KCNQ1OT1: variants seen among roughly 807,000 people sequenced by gnomAD.
KCNQ1OT1 encodes KCNQ1 antisense RNA 2 (non-protein coding).
rs1849081014 is a variant in KCNQ1OT1, at chr11:2,617,157, A to C, written n.82838T>G. ...TATACTAACTATTCTCATGTTCTAC[A>C]TGAGATCTCTAGACTTGTTCATCCT... is the stretch of plus-strand genomic sequence containing the variant. On this transcript the variant is annotated non_coding_transcript_exon_variant, in exon 1 of 1. Coordinates refer to ENST00000597346, the Ensembl canonical transcript of KCNQ1OT1. The surrounding 1 kb of genome is among the most constrained non-coding windows in gnomAD (Gnocchi z 4.6). The C allele has an allele frequency of 1.3e-5, 5 of 398,306 alleles. No homozygotes were observed. The East Asian group carries it at 1.8e-4, about 14-fold the overall frequency. The allele number at this position is 398,306 out of a possible 1,614,324, so 24.7% of individuals were successfully genotyped here.
chr11:2,661,979 T>G lies in KCNQ1OT1; in HGVS notation n.38016A>C. ...TCCTCAGTAAGGAAGAGCCCAACACTGCTGGAAGTGAGCATGCCCCATTTC... is the reference window on the plus strand; with the variant it reads ...TCCTCAGTAAGGAAGAGCCCAACACGGCTGGAAGTGAGCATGCCCCATTTC... On this transcript the variant is annotated non_coding_transcript_exon_variant, in exon 1 of 1. Transcript: ENST00000597346. The surrounding 1 kb of genome is among the most constrained non-coding windows in gnomAD (Gnocchi z 5.9). 1 of 1,614,204 alleles carries G rather than the reference T, an allele frequency of 6.2e-7. No individual in the cohort carries two copies. The highest frequency in any genetic ancestry group is 8.5e-7 in the Non-Finnish European group (1 of 1,180,050).
chr11:2,666,978 C>T (rs941144941), exon 1 of KCNQ1OT1: 18 of 398,614 alleles, frequency 4.5e-5, no homozygotes, highest in Middle Eastern at 6.2e-4. Flanking sequence ...GGGGCCCGCC[C>T]GGGAGGGCTG....
exon 1 of KCNQ1OT1, chr11:2,622,788 A>G (rs139022112): frequency 1.0e-5 from 4 of 398,614 alleles, no homozygotes; most frequent in African/African-American, 4.1e-5. Flanking sequence ...TTTCCCGTAT[A>G]CCCACTGCAC....
chr11:2,656,729 C>T (rs923193699), exon 1 of KCNQ1OT1: 52 of 398,366 alleles, frequency 1.3e-4, no homozygotes, highest in African/African-American at 1.0e-3. Flanking sequence ...ACTCTAATGT[C>T]AAATTACTCA....
At position 2,670,976 on chromosome 11, in the gene KCNQ1OT1, C is replaced by G. The variant is rs187551401; in HGVS notation, n.29019G>C. 2.5e-6 allele frequency: 1 copy of G among 398,524 alleles called. No individual in the cohort carries two copies. The highest frequency in any genetic ancestry group is 4.4e-6 in the Non-Finnish European group (1 of 226,090). 24.7% of individuals were successfully genotyped at this position (398,524 alleles called of 1,614,324 possible). On this transcript the variant is annotated non_coding_transcript_exon_variant, in exon 1 of 1. Coordinates refer to ENST00000597346, the Ensembl canonical transcript of KCNQ1OT1. The surrounding 1 kb of genome is among the most constrained non-coding windows in gnomAD (Gnocchi z 4.9). ...TCTTATGGTGCCCCAGAGCCCCTGG[C>G]TAGGCATTCATGCTTTAGATATGTG...
exon 1 of KCNQ1OT1, chr11:2,675,513 C>T (rs945465744): frequency 7.5e-6 from 3 of 398,524 alleles, no homozygotes; most frequent in Middle Eastern, 6.2e-4. Flanking sequence ...CACAACATGC[C>T]ATACACATTT....
chr11:2,659,012 G>C lies in KCNQ1OT1; in HGVS notation n.40983C>G. ...GTGTTTTTGAAAGCAACATATGCCA[G>C]CTCCTCCTCCTCCTTTCCTTTCACT... is the stretch of plus-strand genomic sequence containing the variant. On this transcript the variant is annotated non_coding_transcript_exon_variant, in exon 1 of 1. Coordinates refer to ENST00000597346, the Ensembl canonical transcript of KCNQ1OT1. The surrounding 1 kb of genome is among the most constrained non-coding windows in gnomAD (Gnocchi z 4.3). 2.5e-6 allele frequency: 1 copy of C among 398,512 alleles called. No homozygotes were observed. The highest frequency in any genetic ancestry group is 6.3e-4 in the Middle Eastern group (1 of 1,588). 24.7% of individuals were successfully genotyped at this position (398,512 alleles called of 1,614,324 possible).
chr11:2,682,820 G>A lies in KCNQ1OT1; in HGVS notation n.17175C>T, dbSNP rs1850421275. 2.5e-6 allele frequency: 1 copy of A among 398,480 alleles called. No individual in the cohort carries two copies. Among genetic ancestry groups the A allele is most frequent in the South Asian group, 1.3e-4 (1 of 7,864 alleles). 24.7% of individuals were successfully genotyped at this position (398,480 alleles called of 1,614,324 possible). ...TGCAGTGACTTGCAGTGATCCTCCT[G>A]GGGCCTTGTATAGAAGAGACCATCT... On this transcript the variant is annotated non_coding_transcript_exon_variant, in exon 1 of 1. Transcript: ENST00000597346. This position sits in a 1 kb window ranked among gnomAD's most constrained non-coding sequence, Gnocchi z 5.8.
Position 2,698,687 on chromosome 11 carries a change from C to G in KCNQ1OT1, n.1308G>C. On this transcript the variant is annotated non_coding_transcript_exon_variant, in exon 1 of 1. Transcript: ENST00000597346. The surrounding 1 kb of genome is among the most constrained non-coding windows in gnomAD (Gnocchi z 5.1). ...AGAGCCCCCCATTCAGAACCTCTAC[C>G]CAAAGACAGACTCCAGACCCTGACT... The G allele has an allele frequency of 2.5e-6, 1 of 398,888 alleles. No homozygotes were observed. The highest frequency in any genetic ancestry group is 4.4e-6 in the Non-Finnish European group (1 of 226,186). 24.7% of individuals were successfully genotyped at this position (398,888 alleles called of 1,614,324 possible).
rs1442172649 is a variant in KCNQ1OT1, at chr11:2,663,758, G to A, written n.36237C>T. The A allele has an allele frequency of 5.0e-6, 2 of 398,608 alleles. No homozygotes were observed. The highest frequency in any genetic ancestry group is 8.8e-6 in the Non-Finnish European group (2 of 226,144). The allele number at this position is 398,608 out of a possible 1,614,324, so 24.7% of individuals were successfully genotyped here. A position where few individuals can be genotyped will look rare whatever the true frequency, so the allele number is the denominator to read the frequency against. On this transcript the variant is annotated non_coding_transcript_exon_variant, in exon 1 of 1. Coordinates refer to ENST00000597346, the Ensembl canonical transcript of KCNQ1OT1. The surrounding 1 kb of genome is among the most constrained non-coding windows in gnomAD (Gnocchi z 5.2). ...AGGTGGTGAGAGACCAGGCACTTAT[G>A]TGGATCACAGCCAAACTTGCAGCTG... is the stretch of plus-strand genomic sequence containing the variant.
At chr11:2,699,110 G>C in exon 1 of KCNQ1OT1, 1 of 398,586 alleles carries the variant, frequency 2.5e-6, no homozygotes, top group Non-Finnish European at 4.4e-6. Context: ...CGCGGACTCA[G>C]AACCACGATG....
rs1354737225 is a variant in KCNQ1OT1, at chr11:2,673,153, C to T, written n.26842G>A. The T allele has an allele frequency of 5.0e-6, 2 of 398,616 alleles. No individual in the cohort carries two copies. Among genetic ancestry groups the T allele is most frequent in the Non-Finnish European group, 8.8e-6 (2 of 226,144 alleles). 24.7% of individuals were successfully genotyped at this position (398,616 alleles called of 1,614,324 possible). A position where few individuals can be genotyped will look rare whatever the true frequency, so the allele number is the denominator to read the frequency against. ...GCAGGGGTGCTGACCATCCCTGACC[C>T]AAGCACGAGGATCAGAATGGGCCCT... On this transcript the variant is annotated non_coding_transcript_exon_variant, in exon 1 of 1. Coordinates refer to ENST00000597346, the Ensembl canonical transcript of KCNQ1OT1. The surrounding 1 kb of genome is among the most constrained non-coding windows in gnomAD (Gnocchi z 4.5).
exon 1 of KCNQ1OT1, chr11:2,699,458 C>T: frequency 7.5e-6 from 3 of 400,146 alleles, no homozygotes; most frequent in Non-Finnish European, 1.3e-5. Context: ...GAGGAGCCGC[C>T]GGGAGAGTGC....
At position 2,652,096 on chromosome 11, in the gene KCNQ1OT1, G is replaced by T. The variant is rs941498730; in HGVS notation, n.47899C>A. 3 of 398,592 alleles carry T rather than the reference G, an allele frequency of 7.5e-6. No individual in the cohort carries two copies. Among genetic ancestry groups the T allele is most frequent in the South Asian group, 2.5e-4 (2 of 7,870 alleles). The allele number at this position is 398,592 out of a possible 1,614,324, so 24.7% of individuals were successfully genotyped here. A position where few individuals can be genotyped will look rare whatever the true frequency, so the allele number is the denominator to read the frequency against. Reference sequence around the variant, plus strand: ...AGCTATGGGGAGCCTCTCGGCCCCAGTTCTGGCCTGGCTGGGAGGTGGCCT... The same window carrying T: ...AGCTATGGGGAGCCTCTCGGCCCCATTTCTGGCCTGGCTGGGAGGTGGCCT... On this transcript the variant is annotated non_coding_transcript_exon_variant, in exon 1 of 1. Coordinates refer to ENST00000597346, the Ensembl canonical transcript of KCNQ1OT1. This position sits in a 1 kb window ranked among gnomAD's most constrained non-coding sequence, Gnocchi z 5.9.
chr11:2,655,816 C>T, exon 1 of KCNQ1OT1: 3 of 398,652 alleles, frequency 7.5e-6, no homozygotes, highest in East Asian at 7.1e-5. Flanking sequence ...GTCTCCAACA[C>T]ACAAGCCAGC....
At chr11:2,666,570 A>T in exon 1 of KCNQ1OT1, 1 of 398,638 alleles carries the variant, frequency 2.5e-6, no homozygotes, top group East Asian at 3.6e-5. Flanking sequence ...ATTTGTCAGC[A>T]AGGACAGGGC....
rs1318020339 is a variant in KCNQ1OT1, at chr11:2,669,282, T to C, written n.30713A>G. On this transcript the variant is annotated non_coding_transcript_exon_variant, in exon 1 of 1. Coordinates refer to ENST00000597346, the Ensembl canonical transcript of KCNQ1OT1. This position sits in a 1 kb window ranked among gnomAD's most constrained non-coding sequence, Gnocchi z 5.6. ...CACTGGCTTTGCTGTCTTTGCAGGGTTTCTCCTCACCATACATATGCCAGT... is the reference window on the plus strand; with the variant it reads ...CACTGGCTTTGCTGTCTTTGCAGGGCTTCTCCTCACCATACATATGCCAGT... 3.3e-5 allele frequency: 13 copies of C among 398,542 alleles called. No homozygotes were observed. Among genetic ancestry groups the C allele is most frequent in the Non-Finnish European group, 5.7e-5 (13 of 226,116 alleles). The allele number at this position is 398,542 out of a possible 1,614,324, so 24.7% of individuals were successfully genotyped here.
At chr11:2,625,430 TA>T (rs761872365) in exon 1 of KCNQ1OT1, 8 of 398,522 alleles carry the variant, frequency 2.0e-5, no homozygotes, top group Non-Finnish European at 3.1e-5. Context: ...AGGCTGTGTT[TA>T]TTTTTTTAAT....
At position 2,672,073 on chromosome 11, in the gene KCNQ1OT1, G is replaced by A. The variant is rs1850193513; in HGVS notation, n.27922C>T. Reference sequence around the variant, plus strand: ...GCCCAGTATCCTCCCCTGGTCCCTGGTCTGGACTGAGCAGCTGTCTTCTGC... The same window carrying A: ...GCCCAGTATCCTCCCCTGGTCCCTGATCTGGACTGAGCAGCTGTCTTCTGC... On this transcript the variant is annotated non_coding_transcript_exon_variant, in exon 1 of 1. Transcript: ENST00000597346. 1.3e-5 allele frequency: 5 copies of A among 398,704 alleles called. No homozygotes were observed. The East Asian group carries it at 1.4e-4, about 11-fold the overall frequency. The allele number at this position is 398,704 out of a possible 1,614,324, so 24.7% of individuals were successfully genotyped here.
Sources: gnomAD v4.1 joint callset for allele counts on GRCh38, gnomAD v4.1.1 for gene constraint, Gnocchi (gnomAD v3.1) non-coding constraint, MANE v1.5 for transcripts, NCBI Gene and HGNC (gene_info 2026-07-23, HGNC 2026-07-21) for gene names.